Variants in MBD2 observed in about 807,000 individuals in gnomAD.
The protein encoded by MBD2 is methyl-CpG-binding domain protein 2.
A neutral mutation model predicts 39.3 loss-of-function variants in MBD2; 9 were observed. That is an observed-to-expected ratio of 0.23 (90% CI 0.14 to 0.40). The LOEUF (loss-of-function observed/expected upper bound fraction) is 0.40. Among genes scored for constraint, MBD2 ranks in the 10% least tolerant of loss-of-function variants. The pLI, the probability that MBD2 is intolerant of heterozygous loss-of-function variation, is 1.00. For synonymous variants in MBD2, 233 were observed against 211.1 expected, an observed-to-expected ratio of 1.10 and a Z score of -0.90; for missense variants, 458 against 532.6, an observed-to-expected ratio of 0.86 and a Z score of 1.38.
chr18:54,213,217 C>T (rs1301267285), intron 1 of MBD2, among the ~76,000 whole-genome samples: 3 of 152,092 alleles, frequency 2.0e-5, no homozygotes, highest in African/African-American at 4.8e-5. Flanking sequence ...CGTTAAGAAC[C>T]GGGAGGTACA....
At chr18:54,182,745 C>A (rs1378173643) in intron 3 of MBD2, among the ~76,000 whole-genome samples, 3 of 152,044 alleles carry the variant, frequency 2.0e-5, no homozygotes, top group Non-Finnish European at 2.9e-5. Context: ...CCACCCTGGG[C>A]AACATAGTGA....
intron 3 of MBD2, chr18:54,187,928 T>C (rs546771575): frequency 4.2e-5 from 37 of 889,182 alleles, no homozygotes; most frequent in Non-Finnish European, 4.6e-5. Flanking sequence ...TTTGGCCCAA[T>C]CCTTTATGAA....
rs369378964 is a variant in MBD2 at position 54,195,146 on chromosome 18, C to T, written c.703-6135G>A. On this transcript the variant is annotated intron_variant, in intron 2 of 6. Coordinates refer to ENST00000256429, the MANE Select transcript of MBD2 (RefSeq NM_003927.5). ...CGAAATGGATTCCTTTAAAACCATC[C>T]ATGTCTATGAATATCATGTAAAGCC... Among the ~76,000 whole-genome samples the T allele has an allele frequency of 2.2e-3, 331 of 152,020 alleles. 1 individual carries two copies. The highest frequency in any genetic ancestry group is 7.5e-3 in the African/African-American group (310 of 41,488).
chr18:54,166,774 T>C (rs560642863), intron 3 of MBD2, among the ~76,000 whole-genome samples: 1 of 152,202 alleles, frequency 6.6e-6, no homozygotes, highest in African/African-American at 2.4e-5. Context: ...CATGGTCACT[T>C]AGTAGCCCCA....
In MBD2 at chr18:54,205,055, A is replaced by G. The variant is rs1196398276; in HGVS notation, c.645T>C (p.Pro215=). The change falls in exon 2 of 7, where the codon CCT becomes CCC. Residue 215 remains proline (P), a synonymous_variant. Transcript: ENST00000256429. ...SFDFRTGKMM[P]SKLQKNKQRL... ...TCTGTTTGTTCTTCTGTAATTTACT[A>G]GGCATCATCTTTCCAGTTCTGAAGT... 5.6e-6 allele frequency: 9 copies of G among 1,613,836 alleles called. No homozygotes were observed. The highest frequency in any genetic ancestry group is 7.6e-6 in the Non-Finnish European group (9 of 1,179,868).
At chr18:54,166,384 C>G (rs376249535) in intron 3 of MBD2, among the ~76,000 whole-genome samples, 1 of 152,152 alleles carries the variant, frequency 6.6e-6, no homozygotes, top group African/African-American at 2.4e-5. Flanking sequence ...TTTTACATAA[C>G]CTATTCACTT....
intron 1 of MBD2, among the ~76,000 whole-genome samples, chr18:54,221,476 T>G (rs1048450191): frequency 6.7e-6 from 1 of 148,400 alleles, no homozygotes; most frequent in African/African-American, 2.5e-5. Flanking sequence ...AAAAAAATTA[T>G]TAAGTTTGTA....
rs565780457 is a variant in MBD2 at position 54,224,652 on chromosome 18, G to A, written c.-93C>T. The A allele has an allele frequency of 1.3e-5, 12 of 952,676 alleles. No homozygotes were observed. In the Admixed American group the frequency reaches 2.1e-4, roughly 17 times the overall value. 59.0% of individuals were successfully genotyped at this position (952,676 alleles called of 1,614,324 possible). ...CCCGCCCGCAGCGCGGCGCGCGGGG[G>A]ACGCGCGCAAGCATCATAGAGCGGG... On this transcript the variant is annotated 5_prime_UTR_variant, in exon 1 of 7. Transcript: ENST00000256429.
At chr18:54,209,381 A>G (rs1472986641) in intron 1 of MBD2, among the ~76,000 whole-genome samples, 1 of 152,148 alleles carries the variant, frequency 6.6e-6, no homozygotes, top group Admixed American at 6.6e-5. Context: ...TAAGTTGGCA[A>G]TGAAGGAAAA....
rs756272137 is a variant in MBD2, at chr18:54,224,122, G to C, written c.438C>G (p.Ser146Arg). 24 of 1,561,550 alleles carry C rather than the reference G, an allele frequency of 1.5e-5. No homozygotes were observed. The highest frequency in any genetic ancestry group is 2.0e-5 in the Non-Finnish European group (23 of 1,159,696). Residue 146 changes from serine (S) to arginine (R), a missense_variant, in exon 1 of 7, where the codon AGC becomes AGG. This residue lies in a region of MBD2 where 269 missense variants were observed against 236.0 expected (regional missense o/e 1.14). Coordinates refer to ENST00000256429, the MANE Select transcript of MBD2 (RefSeq NM_003927.5). ...GGGCCGGGCAATCCATCCTCTTCCCGCTCTCCGTGGCCCGGGGTCCCCTGG... is the reference window on the plus strand; with the variant it reads ...GGGCCGGGCAATCCATCCTCTTCCCCCTCTCCGTGGCCCGGGGTCCCCTGG... ...PGPRGPRATE[S>R]GKRMDCPALP... is the part of the protein sequence containing the mutation.
rs957243514 is a variant in MBD2, at chr18:54,152,875, A to G, written c.*2449T>C. ...GAGGAGGGACAGGCTCAAAGAGATT[A>G]AATAACCTGACAAGTCACACAAATG... is the stretch of plus-strand genomic sequence containing the variant. On this transcript the variant is annotated 3_prime_UTR_variant, in exon 7 of 7. Coordinates refer to ENST00000256429, the MANE Select transcript of MBD2 (RefSeq NM_003927.5). 6.6e-6 allele frequency: 1 copy of G among 152,256 alleles called. No homozygotes were observed. The highest frequency in any genetic ancestry group is 1.5e-5 in the Non-Finnish European group (1 of 68,060). The allele number at this position is 152,256 out of a possible 1,614,324, so 9.4% of individuals were successfully genotyped here. A position where few individuals can be genotyped will look rare whatever the true frequency, so the allele number is the denominator to read the frequency against.
chr18:54,184,081 A>C (rs1207277929), intron 3 of MBD2, among the ~76,000 whole-genome samples: 19 of 152,154 alleles, frequency 1.2e-4, no homozygotes, highest in Admixed American at 1.2e-3. Flanking sequence ...ATTGAAATAA[A>C]TATAAATTTA....
At chr18:54,213,839 T>G (rs566284121) in intron 1 of MBD2, among the ~76,000 whole-genome samples, 1 of 152,306 alleles carries the variant, frequency 6.6e-6, no homozygotes, top group Admixed American at 6.5e-5. Flanking sequence ...TACAAGTGTG[T>G]GTATGTAGGT....
chr18:54,179,198 A>G (rs1285568183), intron 3 of MBD2, among the ~76,000 whole-genome samples: 2 of 152,212 alleles, frequency 1.3e-5, no homozygotes, highest in African/African-American at 4.8e-5. Flanking sequence ...TCAAAAACAA[A>G]GAAAAAAAAT....
intron 2 of MBD2, among the ~76,000 whole-genome samples, chr18:54,204,237 T>C (rs1345598364): frequency 6.6e-6 from 1 of 152,192 alleles, no homozygotes; most frequent in African/African-American, 2.4e-5. Context: ...CACAGATCCT[T>C]GAAGTTTAGA....
At chr18:54,205,915 A>C (rs1172017550) in intron 1 of MBD2, among the ~76,000 whole-genome samples, 1 of 152,036 alleles carries the variant, frequency 6.6e-6, no homozygotes, top group Non-Finnish European at 1.5e-5. Context: ...ACTTGAGAAC[A>C]AATTCTTCTC....
In MBD2 at chr18:54,215,109, C is replaced by A. The variant is rs574076140; in HGVS notation, c.542+8909G>T. Among the ~76,000 whole-genome samples, 26 of 152,244 alleles carry A rather than the reference C, an allele frequency of 1.7e-4. No homozygotes were observed. In the South Asian group the frequency reaches 5.0e-3, roughly 29 times the overall value. ...AAAAGCTTACAAAAACTTATCCATC[C>A]AAGATTAACACAGTAAAGCAAGATA... On this transcript the variant is annotated intron_variant, in intron 1 of 6. Transcript: ENST00000256429.
At chr18:54,173,121 C>T (rs1256594862) in intron 3 of MBD2, among the ~76,000 whole-genome samples, 1 of 152,088 alleles carries the variant, frequency 6.6e-6, no homozygotes, top group Non-Finnish European at 1.5e-5. Context: ...TATGAATCTT[C>T]CCTTCCCTTC....
At chr18:54,219,111 A>G (rs1253682896) in intron 1 of MBD2, among the ~76,000 whole-genome samples, 1 of 152,252 alleles carries the variant, frequency 6.6e-6, no homozygotes, top group African/African-American at 2.4e-5. Context: ...GATGTTACAC[A>G]GTCGATGAAA....
Sources: gnomAD v4.1 joint callset for allele counts (sites outside exome capture counted in the v4.1 genomes callset) on GRCh38, gnomAD v4.1.1 for gene constraint, gnomAD v4.1.1 regional missense constraint, MANE v1.5 for transcripts, NCBI Gene and HGNC (gene_info 2026-07-23, HGNC 2026-07-21) for gene names.